CNTNAP4: variants seen among roughly 807,000 people sequenced by gnomAD.
CNTNAP4 encodes the protein contactin associated protein family member 4.
A neutral mutation model predicts 148.4 loss-of-function variants in CNTNAP4; 98 were observed. The ratio of observed to expected loss-of-function variants is 0.66; its 90% CI spans 0.56 to 0.78. CNTNAP4 has a LOEUF of 0.78. Among genes scored for constraint, CNTNAP4 ranks in the 30% least tolerant of loss-of-function variants. The probability of loss-of-function intolerance (pLI) is 0.00; values close to 1 mark genes in which losing one functional copy is unlikely to be tolerated. For missense variants in CNTNAP4, 1,935 were observed against 1,565.6 expected (o/e 1.24, Z -3.98); for synonymous variants, 730 against 565.1 (o/e 1.29, Z -4.14).
rs1272951787 is a variant in CNTNAP4, at chr16:76,448,171, C to T, written c.698C>T (p.Thr233Ile). The change falls in exon 5 of 24, where the codon ACA (threonine) becomes ATA (isoleucine). Residue 233 changes from threonine to isoleucine, a missense_variant. Physicochemically the swap from Thr to Ile is moderately conservative, Grantham distance 89. Coordinates refer to ENST00000611870, the MANE Select transcript of CNTNAP4 (RefSeq NM_033401.5). ...HREGPNGDHI[T>I]LQLRRARLFL... Reference sequence around the variant, plus strand: ...GAAGGGCCAAATGGAGATCACATCACACTGCAATTAAGAAGAGCAAGACTC... The same window carrying T: ...GAAGGGCCAAATGGAGATCACATCATACTGCAATTAAGAAGAGCAAGACTC... 1 of 1,613,524 alleles carries T rather than the reference C, an allele frequency of 6.2e-7. No homozygotes were observed. Among genetic ancestry groups the T allele is most frequent in the Non-Finnish European group, 8.5e-7 (1 of 1,179,542 alleles).
chr16:76,291,185 C>G (rs1428524681), intron 1 of CNTNAP4, among the ~76,000 whole-genome samples: 1 of 152,112 alleles, frequency 6.6e-6, no homozygotes, highest in Non-Finnish European at 1.5e-5. Flanking sequence ...TTGCAACTGT[C>G]TAAATTACAT....
chr16:76,395,010 G>A (rs2078147917), intron 3 of CNTNAP4, among the ~76,000 whole-genome samples: 1 of 152,012 alleles, frequency 6.6e-6, no homozygotes. Context: ...GCAATTCGGT[G>A]GGACCAGAGC....
At chr16:76,452,364 T>G in intron 7 of CNTNAP4, 144 bp from the exon 8 acceptor site, 1 of 686,944 alleles carries the variant, frequency 1.5e-6, no homozygotes, top group Non-Finnish European at 2.4e-6. Flanking sequence ...TTAAGAAATA[T>G]GGCAGTGGTT....
At chr16:76,505,520 AC>A (rs1192742137) in intron 15 of CNTNAP4, among the ~76,000 whole-genome samples, 1 of 97,338 alleles carries the variant, frequency 1.0e-5, no homozygotes, top group African/African-American at 2.6e-5. Context: ...TGTCAGGTGA[AC>A]AAAATGTTCC....
intron 1 of CNTNAP4, 42 bp downstream of exon 1, chr16:76,277,789 T>G: frequency 8.3e-7 from 1 of 1,210,262 alleles, no homozygotes; most frequent in Non-Finnish European, 1.2e-6. Flanking sequence ...TGGGGGGCTC[T>G]CTGCAAAACT....
chr16:76,307,965 T>C (rs1794391682), intron 1 of CNTNAP4, among the ~76,000 whole-genome samples: 1 of 152,218 alleles, frequency 6.6e-6, no homozygotes, highest in Non-Finnish European at 1.5e-5. Context: ...TTAACAGTTA[T>C]ATATAAATTC....
chr16:76,316,344 T>G (rs1961741299), intron 1 of CNTNAP4, 69 bp from the exon 2 acceptor site: 1 of 967,934 alleles, frequency 1.0e-6, no homozygotes. Context: ...TTGTTGGTTG[T>G]TTTGTCTATT....
intron 3 of CNTNAP4, among the ~76,000 whole-genome samples, chr16:76,397,409 C>G (rs1397827752): frequency 6.6e-6 from 1 of 151,786 alleles, no homozygotes; most frequent in African/African-American, 2.4e-5. Context: ...GAGAATGGGA[C>G]AAGCAGAAAC....
At chr16:76,355,081 G>T (rs1183872547) in intron 2 of CNTNAP4, among the ~76,000 whole-genome samples, 1 of 152,096 alleles carries the variant, frequency 6.6e-6, no homozygotes, top group Non-Finnish European at 1.5e-5. Context: ...AAGACCCCTA[G>T]TTCTCCCAGT....
intron 3 of CNTNAP4, among the ~76,000 whole-genome samples, chr16:76,370,691 A>G (rs1460654403): frequency 2.6e-5 from 4 of 152,196 alleles, no homozygotes; most frequent in African/African-American, 7.2e-5. Flanking sequence ...GTATGTTACT[A>G]ACGACAAATT....
chr16:76,406,406 A>G (rs2078602364), intron 3 of CNTNAP4, among the ~76,000 whole-genome samples: 12 of 152,112 alleles, frequency 7.9e-5, no homozygotes, highest in Admixed American at 7.9e-4. Context: ...TATTGAAATT[A>G]GACCAATTAA....
chr16:76,359,224 A>G (rs2144530329), intron 3 of CNTNAP4, among the ~76,000 whole-genome samples: 1 of 152,352 alleles, frequency 6.6e-6, no homozygotes, highest in East Asian at 1.9e-4. Context: ...TAGGATGTAT[A>G]CCAATTATAC....
At chr16:76,397,453 G>C (rs1350298344) in intron 3 of CNTNAP4, among the ~76,000 whole-genome samples, 1 of 151,902 alleles carries the variant, frequency 6.6e-6, no homozygotes, top group Non-Finnish European at 1.5e-5. Context: ...GGAGTTAGAG[G>C]GCTGAAGGCA....
chr16:76,516,803 C>G (rs949188040), intron 15 of CNTNAP4, among the ~76,000 whole-genome samples: 1 of 152,182 alleles, frequency 6.6e-6, no homozygotes, highest in African/African-American at 2.4e-5. Flanking sequence ...GTGGCTCACG[C>G]CTGTAATCCC....
At chr16:76,383,581 C>A (rs1040445441) in intron 3 of CNTNAP4, among the ~76,000 whole-genome samples, 1 of 151,802 alleles carries the variant, frequency 6.6e-6, no homozygotes, top group Admixed American at 6.6e-5. Context: ...ATTTTGATAT[C>A]CCGATTTAAA....
At chr16:76,477,576 G>A (rs1242767330) in intron 11 of CNTNAP4, among the ~76,000 whole-genome samples, 3 of 152,214 alleles carry the variant, frequency 2.0e-5, no homozygotes, top group East Asian at 3.9e-4. Flanking sequence ...GAATCTCTCA[G>A]CTCTACCACT....
chr16:76,521,111 T>C lies in CNTNAP4; in HGVS notation c.2366-29T>C, dbSNP rs749274069. The C allele has an allele frequency of 4.2e-6, 6 of 1,421,752 alleles. No individual in the cohort carries two copies. The South Asian group carries it at 5.1e-5, about 12-fold the overall frequency. The allele number at this position is 1,421,752 out of a possible 1,614,324, so 88.1% of individuals were successfully genotyped here. A position where few individuals can be genotyped will look rare whatever the true frequency, so the allele number is the denominator to read the frequency against. ...CATGAATTTGTTTTCTTTCTGAATT[T>C]TTTTTTCTTTTTTTTTTTCACAAAA... On this transcript the variant is annotated intron_variant, in intron 15 of 23. Coordinates refer to ENST00000611870, the MANE Select transcript of CNTNAP4 (RefSeq NM_033401.5).
chr16:76,490,516 A>G (rs1568380185), intron 13 of CNTNAP4, among the ~76,000 whole-genome samples: 1 of 115,832 alleles, frequency 8.6e-6, no homozygotes. Flanking sequence ...GCCTTACAGT[A>G]AGCCTTCATG....
chr16:76,434,149 AAT>A (rs2079724654), intron 4 of CNTNAP4, among the ~76,000 whole-genome samples: 2 of 149,586 alleles, frequency 1.3e-5, no homozygotes, highest in African/African-American at 4.9e-5. Context: ...ATATACTAGA[AAT>A]ATTGAAATAT....
Sources: gnomAD v4.1 joint callset for allele counts (sites outside exome capture counted in the v4.1 genomes callset) on GRCh38, gnomAD v4.1.1 for gene constraint, MANE v1.5 for transcripts, NCBI Gene and HGNC (gene_info 2026-07-23, HGNC 2026-07-21) for gene names.